Variants in NTS observed in about 807,000 individuals in gnomAD.
NTS encodes the protein neurotensin/neuromedin N.
A neutral mutation model predicts 19.5 loss-of-function variants in NTS; 20 were observed. The ratio of observed to expected loss-of-function variants is 1.02; its 90% CI spans 0.72 to 1.49. NTS has a LOEUF of 1.49. Among genes scored for constraint, NTS ranks in the 40% most tolerant of loss-of-function variants. The pLI, the probability that NTS is intolerant of heterozygous loss-of-function variation, is 0.00. For missense variants in NTS, 215 were observed against 193.1 expected (o/e 1.11, Z -0.67); for synonymous variants, 71 against 63.3 (o/e 1.12, Z -0.58).
intron 3 of NTS, among the ~76,000 whole-genome samples, chr12:85,880,678 C>G (rs779271939): frequency 9.2e-5 from 14 of 152,142 alleles, no homozygotes; most frequent in Non-Finnish European, 1.9e-4. Flanking sequence ...TTTGGCCAGG[C>G]ACGGTGGCTC....
chr12:85,876,945 T>C (rs1411711490), intron 2 of NTS, among the ~76,000 whole-genome samples: 1 of 152,152 alleles, frequency 6.6e-6, no homozygotes, highest in Non-Finnish European at 1.5e-5. Context: ...CACACATATT[T>C]ACTTGCCTGT....
intron 3 of NTS, among the ~76,000 whole-genome samples, chr12:85,881,102 C>A (rs559121839): frequency 6.6e-6 from 1 of 152,160 alleles, no homozygotes; most frequent in African/African-American, 2.4e-5. Context: ...AAACTTTTCC[C>A]TATTTTAAAT....
chr12:85,878,598 T>C (rs1881400879), intron 3 of NTS, 29 bp downstream of exon 3: 1 of 1,368,168 alleles, frequency 7.3e-7, no homozygotes, highest in Non-Finnish European at 1.0e-6. Context: ...ATTAATATGA[T>C]TATAGTTACA....
At chr12:85,881,459 T>C (rs910086865) in intron 3 of NTS, among the ~76,000 whole-genome samples, 1 of 152,148 alleles carries the variant, frequency 6.6e-6, no homozygotes, top group Non-Finnish European at 1.5e-5. Context: ...GTAACTGAAA[T>C]TTTTGAGTCA....
rs964383913 is a variant in NTS, at chr12:85,882,694, C to T, written c.*319C>T. On this transcript the variant is annotated 3_prime_UTR_variant, in exon 4 of 4. Transcript: ENST00000256010. ...GATATTTTATACCAGCTTATGAGCT[C>T]AAAGTACTACAGCAAAGCCTAGCCT... 5.6e-6 allele frequency: 1 copy of T among 179,088 alleles called. No individual in the cohort carries two copies. The highest frequency in any genetic ancestry group is 1.2e-5 in the Non-Finnish European group (1 of 86,392). The allele number at this position is 179,088 out of a possible 1,614,324, so 11.1% of individuals were successfully genotyped here.
intron 2 of NTS, among the ~76,000 whole-genome samples, chr12:85,877,617 C>T (rs865779011): frequency 2.6e-5 from 4 of 152,102 alleles, no homozygotes; most frequent in Middle Eastern, 6.8e-3. Context: ...GGTATTAAGC[C>T]TAGCATGCAT....
At chr12:85,878,680 TGAA>T (rs1881402593) in intron 3 of NTS, 111 bp downstream of exon 3, 1 of 607,250 alleles carries the variant, frequency 1.6e-6, no homozygotes, top group Non-Finnish European at 2.6e-6. Flanking sequence ...TTACAAGTAT[TGAA>T]GAAGAACAAG....
At position 85,878,443 on chromosome 12, in the gene NTS, T is replaced by C; in HGVS notation, c.234T>C (p.Val78=). The C allele has an allele frequency of 6.2e-7, 1 of 1,613,848 alleles. No homozygotes were observed. The highest frequency in any genetic ancestry group is 8.5e-7 in the Non-Finnish European group (1 of 1,179,872). The change falls in exon 3 of 4, where the codon GTT becomes GTC. Residue 78 remains valine (V), a synonymous_variant. Coordinates refer to ENST00000256010, the MANE Select transcript of NTS (RefSeq NM_006183.5). ...GCCCAGCTGAGGAAACAGGAGAAGT[T>C]CATGAAGAGGAGCTTGTTGCAAGAA... ...LNSPAEETGE[V]HEEELVARRK...
At chr12:85,876,817 G>C in intron 2 of NTS, 116 bp downstream of exon 2, 1 of 526,080 alleles carries the variant, frequency 1.9e-6, no homozygotes, top group Non-Finnish European at 3.2e-6. Flanking sequence ...TTCCTTGAGA[G>C]GCATTTCCTT....
intron 3 of NTS, among the ~76,000 whole-genome samples, chr12:85,879,928 A>G (rs1881464918): frequency 6.8e-6 from 1 of 148,116 alleles, no homozygotes; most frequent in African/African-American, 2.4e-5. Flanking sequence ...TAGAATAAGG[A>G]TATATTAGGT....
chr12:85,879,008 T>C (rs931183763), intron 3 of NTS, among the ~76,000 whole-genome samples: 10 of 151,024 alleles, frequency 6.6e-5, no homozygotes, highest in Admixed American at 2.7e-4. Flanking sequence ...TATTTGTATT[T>C]AAATATATTA....
rs185954156 is a variant in NTS, at chr12:85,875,692, T to C, written c.74-948T>C. On this transcript the variant is annotated intron_variant, in intron 1 of 3. Transcript: ENST00000256010. Reference sequence around the variant, plus strand: ...CTGTGTTTATTAACTTGAAACTACTTGTTGTAATAATGCAATAGTTATAAG... The same window carrying C: ...CTGTGTTTATTAACTTGAAACTACTCGTTGTAATAATGCAATAGTTATAAG... Among the ~76,000 whole-genome samples the C allele has an allele frequency of 2.5e-3, 376 of 152,142 alleles. 7 individuals carry two copies. The highest frequency in any genetic ancestry group is 0.022 in the Admixed American group (343 of 15,294).
chr12:85,878,145 A>G, intron 2 of NTS, 200 bp from the exon 3 acceptor site: 1 of 460,026 alleles, frequency 2.2e-6, no homozygotes, highest in Non-Finnish European at 3.9e-6. Flanking sequence ...GAATATAACT[A>G]TTGCATTTTA....
intron 3 of NTS, among the ~76,000 whole-genome samples, chr12:85,879,132 ATTTTATGTACGTAAAATATAT>A (rs1467383300): frequency 6.9e-6 from 1 of 144,604 alleles, no homozygotes; most frequent in Non-Finnish European, 1.5e-5. Context: ...TTTTATGTAT[ATTTTATGTACGTAAAATATAT>A]TTTTATGTAT....
rs1881417388 is a variant in NTS at position 85,879,093 on chromosome 12, T to TA, written c.360+525dup. Among the ~76,000 whole-genome samples, 4 of 147,296 alleles carry TA rather than the reference T, an allele frequency of 2.7e-5. No homozygotes were observed. In the South Asian group the frequency reaches 8.5e-4, roughly 31 times the overall value. On this transcript the variant is annotated intron_variant, in intron 3 of 3. Coordinates refer to ENST00000256010, the MANE Select transcript of NTS (RefSeq NM_006183.5). ...TTTTAATGTACATAAAATATATTTT[T>TA]ATGTATATTTTATGTACGTAAAATA...
chr12:85,877,357 G>A (rs1881369802), intron 2 of NTS, among the ~76,000 whole-genome samples: 1 of 149,854 alleles, frequency 6.7e-6, no homozygotes, highest in Non-Finnish European at 1.5e-5. Flanking sequence ...TTGTATGTCT[G>A]GATTTAAATT....
intron 3 of NTS, among the ~76,000 whole-genome samples, chr12:85,879,468 T>G (rs1373033442): frequency 1.0e-5 from 1 of 97,144 alleles, no homozygotes; most frequent in African/African-American, 3.7e-5. Flanking sequence ...TTTATGTATA[T>G]TTTATGTATA....
At position 85,878,538 on chromosome 12, in the gene NTS, T is replaced by A. The variant is rs1714613771; in HGVS notation, c.329T>A (p.Ile110Asn). Residue 110 changes from isoleucine to asparagine, a missense_variant, in exon 3 of 4, where the codon ATC becomes AAC. Physicochemically the swap from Ile to Asn is moderately radical, Grantham distance 149. Transcript: ENST00000256010. ...AMLTIYQLHK[I>N]CHSRAFQHWE... is the part of the protein sequence containing the mutation. Reference sequence around the variant, plus strand: ...TTGACAATATACCAGCTCCACAAAATCTGTCACAGCAGGGCTTTTCAACAC... The same window carrying A: ...TTGACAATATACCAGCTCCACAAAAACTGTCACAGCAGGGCTTTTCAACAC... The A allele has an allele frequency of 1.2e-6, 2 of 1,612,824 alleles. No homozygotes were observed. Among genetic ancestry groups the A allele is most frequent in the Admixed American group, 3.3e-5 (2 of 59,904 alleles).
intron 3 of NTS, among the ~76,000 whole-genome samples, chr12:85,880,571 G>T (rs1250027145): frequency 6.6e-6 from 1 of 152,040 alleles, no homozygotes; most frequent in East Asian, 1.9e-4. Context: ...TAAGCAAAAA[G>T]ATAATTTCTA....
Sources: gnomAD v4.1 joint callset for allele counts (sites outside exome capture counted in the v4.1 genomes callset) on GRCh38, gnomAD v4.1.1 for gene constraint, MANE v1.5 for transcripts, NCBI Gene and HGNC (gene_info 2026-07-23, HGNC 2026-07-21) for gene names.